The following ADAMTS16 variants were observed in gnomAD, a reference collection of about 807,000 sequenced individuals.
The protein encoded by ADAMTS16 is A disintegrin and metalloproteinase with thrombospondin motifs 16.
A neutral mutation model predicts 145.8 loss-of-function variants in ADAMTS16; 94 were observed. The observed-to-expected ratio is 0.64, with a 90% CI of 0.55 to 0.77. The LOEUF (loss-of-function observed/expected upper bound fraction) is 0.77. Ranked by LOEUF, ADAMTS16 falls within the 30% of genes least tolerant of loss-of-function variation. The probability of loss-of-function intolerance (pLI) is 0.00; values close to 1 mark genes in which losing one functional copy is unlikely to be tolerated. For synonymous variants in ADAMTS16, 659 were observed against 604.3 expected (o/e 1.09, Z -1.33); for missense variants, 1,585 against 1,591.5 (o/e 1.00, Z 0.07).
At chr5:5,253,356 C>T (rs1473921347) in intron 17 of ADAMTS16, among the ~76,000 whole-genome samples, 4 of 152,208 alleles carry the variant, frequency 2.6e-5, no homozygotes, top group Non-Finnish European at 5.9e-5. Context: ...CAAGTAGATA[C>T]AAGACAACAG....
chr5:5,311,160 C>A (rs1325385340), intron 21 of ADAMTS16, among the ~76,000 whole-genome samples: 1 of 152,042 alleles, frequency 6.6e-6, no homozygotes, highest in Non-Finnish European at 1.5e-5. Flanking sequence ...CTGACTCCCC[C>A]TGAACCGAAG....
chr5:5,156,809 A>G (rs1260225445), intron 3 of ADAMTS16, among the ~76,000 whole-genome samples: 2 of 152,178 alleles, frequency 1.3e-5, no homozygotes, highest in Non-Finnish European at 2.9e-5. Flanking sequence ...AAGTTAGGGT[A>G]TATCTTCTAG....
Position 5,317,727 on chromosome 5 carries a change from A to G in ADAMTS16, c.3412-407A>G, listed in dbSNP as rs906079602. On this transcript the variant is annotated intron_variant, in intron 21 of 22. Transcript: ENST00000274181. The surrounding 1 kb of genome is among the most constrained non-coding windows in gnomAD (Gnocchi z 4.5). ...ATTTACTTTTTTAAAAAGTGAACTC[A>G]GCCCCCACAAAGCCCAAGCCCGGGA... Among the ~76,000 whole-genome samples, 23 of 152,132 alleles carry G rather than the reference A, an allele frequency of 1.5e-4. No individual in the cohort carries two copies. The highest frequency in any genetic ancestry group is 5.3e-4 in the African/African-American group (22 of 41,428).
rs1207926030 is a variant in ADAMTS16 at position 5,222,781 on chromosome 5, T to C, written c.1606-8T>C. On this transcript the variant is annotated splice_polypyrimidine_tract_variant and splice_region_variant and intron_variant, in intron 10 of 22. Transcript: ENST00000274181. ...TAATCCTAATGACCTTTTACAAAATTTCTTTAGGACATCTGTAAAGCCCTG... is the reference window on the plus strand; with the variant it reads ...TAATCCTAATGACCTTTTACAAAATCTCTTTAGGACATCTGTAAAGCCCTG... 1.2e-6 allele frequency: 2 copies of C among 1,612,292 alleles called. No homozygotes were observed. Among genetic ancestry groups the C allele is most frequent in the Non-Finnish European group, 1.7e-6 (2 of 1,178,492 alleles).
chr5:5,268,992 C>CTG (rs1423095552), intron 18 of ADAMTS16, among the ~76,000 whole-genome samples: 2 of 152,288 alleles, frequency 1.3e-5, no homozygotes, highest in African/African-American at 4.8e-5. Context: ...TAAGCCATGC[C>CTG]TGCTGGGTCT....
chr5:5,310,123 G>A lies in ADAMTS16; in HGVS notation c.3411+3395G>A, dbSNP rs1740362191. On this transcript the variant is annotated intron_variant, in intron 21 of 22. Transcript: ENST00000274181. The surrounding 1 kb of genome is among the most constrained non-coding windows in gnomAD (Gnocchi z 4.3). ...CAGCCGGGGTCAAGGTGTGAACAAA[G>A]GAGGCTGAGCTCAGCAGCCAAGCAT... 6.6e-6 allele frequency among the ~76,000 whole-genome samples: 1 copy of A among 152,138 alleles called. No individual in the cohort carries two copies. Among genetic ancestry groups the A allele is most frequent in the Non-Finnish European group, 1.5e-5 (1 of 68,024 alleles).
At chr5:5,175,532 GC>G (rs1735169096) in intron 3 of ADAMTS16, among the ~76,000 whole-genome samples, 1 of 152,132 alleles carries the variant, frequency 6.6e-6, no homozygotes, top group Non-Finnish European at 1.5e-5. Context: ...TAAGTTGCAT[GC>G]CCCCAAGTCC....
chr5:5,301,798 A>T (rs1345281786), intron 18 of ADAMTS16, among the ~76,000 whole-genome samples: 1 of 152,176 alleles, frequency 6.6e-6, no homozygotes, highest in Non-Finnish European at 1.5e-5. Flanking sequence ...AACTCTACTC[A>T]GCAATGCCGT....
chr5:5,169,922 C>T (rs1735002370), intron 3 of ADAMTS16, among the ~76,000 whole-genome samples: 1 of 152,182 alleles, frequency 6.6e-6, no homozygotes, highest in East Asian at 1.9e-4. Flanking sequence ...ACCTTCATCT[C>T]TAAATATTGG....
chr5:5,241,970 T>C (rs1737303915), intron 16 of ADAMTS16, 83 bp from the exon 17 acceptor site: 1 of 1,472,034 alleles, frequency 6.8e-7, no homozygotes, highest in South Asian at 1.3e-5. Context: ...TGATTATTGT[T>C]TTAAGTAGTC....
intron 17 of ADAMTS16, among the ~76,000 whole-genome samples, chr5:5,246,263 A>T (rs571249695): frequency 4.2e-4 from 64 of 152,354 alleles, no homozygotes; most frequent in Non-Finnish European, 7.6e-4. Flanking sequence ...TCCAACATGT[A>T]TGCTGTAATG....
At chr5:5,300,786 T>TA (rs765748690) in intron 18 of ADAMTS16, among the ~76,000 whole-genome samples, 2 of 152,018 alleles carry the variant, frequency 1.3e-5, no homozygotes, top group Non-Finnish European at 2.9e-5. Flanking sequence ...GCTCTAAAAT[T>TA]ACTTGAGTCA....
At chr5:5,155,319 G>C (rs947682689) in intron 3 of ADAMTS16, among the ~76,000 whole-genome samples, 1 of 152,002 alleles carries the variant, frequency 6.6e-6, no homozygotes, top group Non-Finnish European at 1.5e-5. Context: ...TCCTATCCCT[G>C]TTTCCCACTT....
In ADAMTS16 at chr5:5,233,298, C is replaced by A. The variant is rs985624828; in HGVS notation, c.1850+782C>A. Reference sequence around the variant, plus strand: ...GTAAGAATGAATGTGAGAAGCATCACCAGTGTGCGGAAGTGAAGAGGCTTT... The same window carrying A: ...GTAAGAATGAATGTGAGAAGCATCAACAGTGTGCGGAAGTGAAGAGGCTTT... On this transcript the variant is annotated intron_variant, in intron 12 of 22. Transcript: ENST00000274181. Among the ~76,000 whole-genome samples, 26 of 152,136 alleles carry A rather than the reference C, an allele frequency of 1.7e-4. 1 individual carries two copies. Among genetic ancestry groups the A allele is most frequent in the African/African-American group, 6.3e-4 (26 of 41,424 alleles).
chr5:5,163,631 T>C (rs1734794680), intron 3 of ADAMTS16, among the ~76,000 whole-genome samples: 1 of 152,210 alleles, frequency 6.6e-6, no homozygotes. Context: ...GCAAAAGCCA[T>C]GATGAGGCCA....
chr5:5,277,004 C>T (rs184410646), intron 18 of ADAMTS16, among the ~76,000 whole-genome samples: 11 of 152,124 alleles, frequency 7.2e-5, no homozygotes, highest in East Asian at 1.9e-4. Context: ...GAAAACATGG[C>T]GAAACATTGC....
chr5:5,177,607 A>G (rs1022621622), intron 3 of ADAMTS16, among the ~76,000 whole-genome samples: 3 of 151,790 alleles, frequency 2.0e-5, no homozygotes, highest in African/African-American at 7.3e-5. Flanking sequence ...GTGTAGATTC[A>G]TATTTGGCTC....
chr5:5,290,605 G>C (rs11134105), intron 18 of ADAMTS16, among the ~76,000 whole-genome samples: 70,154 of 151,968 alleles, frequency 0.46, 17,390 homozygotes, highest in Non-Finnish European at 0.55. Flanking sequence ...AGCTGAGACC[G>C]AGCCTTTGTA....
chr5:5,195,743 C>T (rs1735783126), intron 8 of ADAMTS16, among the ~76,000 whole-genome samples: 2 of 152,180 alleles, frequency 1.3e-5, no homozygotes, highest in African/African-American at 4.8e-5. Context: ...AGTTTATGGA[C>T]CCAGTCACTG....
Sources: allele counts gnomAD v4.1 joint callset (sites outside exome capture counted in the v4.1 genomes callset), GRCh38; gene constraint gnomAD v4.1.1; non-coding constraint Gnocchi (gnomAD v3.1); transcripts MANE v1.5; gene names NCBI Gene and HGNC (gene_info 2026-07-23, HGNC 2026-07-21).